PTPRM: variants seen among roughly 807,000 people sequenced by gnomAD.
PTPRM encodes the protein protein tyrosine phosphatase receptor type M.
PTPRM carries 47 observed loss-of-function variants against 186.7 expected under a neutral mutation model. That is an observed-to-expected ratio of 0.25 (90% CI 0.20 to 0.32). The LOEUF (loss-of-function observed/expected upper bound fraction) is 0.32, where lower values mean the gene tolerates loss of function less well. Ranked by LOEUF, PTPRM falls within the 10% of genes least tolerant of loss-of-function variation. PTPRM has a pLI of 1.00. For synonymous variants in PTPRM, 668 were observed against 674.9 expected (o/e 0.99, Z 0.16); for missense variants, 1,494 against 1,865.0 (o/e 0.80, Z 3.66).
intron 2 of PTPRM, among the ~76,000 whole-genome samples, chr18:7,862,336 T>C (rs2047431487): frequency 6.6e-6 from 1 of 152,240 alleles, no homozygotes; most frequent in Non-Finnish European, 1.5e-5. Flanking sequence ...TCTCATTTTT[T>C]AGTGATGACA....
At chr18:7,961,278 C>G (rs1423541844) in intron 7 of PTPRM, among the ~76,000 whole-genome samples, 4 of 152,160 alleles carry the variant, frequency 2.6e-5, no homozygotes, top group African/African-American at 9.7e-5. Context: ...CACTAACTCT[C>G]CACTCCCCTT....
intron 1 of PTPRM, among the ~76,000 whole-genome samples, chr18:7,704,617 A>G (rs116429940): frequency 0.011 from 1,638 of 152,208 alleles, 25 homozygotes; most frequent in African/African-American, 0.037. Context: ...AAGACATCGA[A>G]ATTTGAAGTG....
At chr18:8,373,574 G>T (rs1238104880) in intron 24 of PTPRM, among the ~76,000 whole-genome samples, 1 of 152,180 alleles carries the variant, frequency 6.6e-6, no homozygotes, top group East Asian at 1.9e-4. Context: ...CTACCCAGGA[G>T]CTGCCTAGGA....
At chr18:7,599,086 A>G (rs916858565) in intron 1 of PTPRM, among the ~76,000 whole-genome samples, 1 of 152,196 alleles carries the variant, frequency 6.6e-6, no homozygotes, top group Non-Finnish European at 1.5e-5. Flanking sequence ...GGCCTCAACC[A>G]GATTAGAGGA....
chr18:8,289,621 C>T (rs202210855), intron 19 of PTPRM, among the ~76,000 whole-genome samples: 3 of 126,596 alleles, frequency 2.4e-5, no homozygotes, highest in South Asian at 5.0e-4. Context: ...TATATATACA[C>T]ATATATATAT....
At chr18:7,880,172 C>T (rs1334759934) in intron 2 of PTPRM, among the ~76,000 whole-genome samples, 1 of 152,140 alleles carries the variant, frequency 6.6e-6, no homozygotes, top group Non-Finnish European at 1.5e-5. Flanking sequence ...ATTATAGGAA[C>T]TACAATTCAA....
chr18:7,601,195 C>T (rs572190958), intron 1 of PTPRM, among the ~76,000 whole-genome samples: 1 of 152,260 alleles, frequency 6.6e-6, no homozygotes, highest in East Asian at 1.9e-4. Flanking sequence ...TTTTTCTAGC[C>T]CGCGGTTTCT....
chr18:8,375,910 T>C, intron 24 of PTPRM, 136 bp from the exon 25 acceptor site: 3 of 915,252 alleles, frequency 3.3e-6, no homozygotes, highest in Non-Finnish European at 5.0e-6. Flanking sequence ...GGATGGCCTC[T>C]TTCCCCAGCA....
intron 2 of PTPRM, among the ~76,000 whole-genome samples, chr18:7,795,121 C>T (rs992297237): frequency 1.3e-5 from 2 of 152,180 alleles, no homozygotes; most frequent in Admixed American, 6.5e-5. Flanking sequence ...TTCACTCAGG[C>T]GTTTGGCTGC....
chr18:8,243,393 A>G lies in PTPRM; in HGVS notation c.2301-665A>G, dbSNP rs535323185. 5.3e-5 allele frequency among the ~76,000 whole-genome samples: 8 copies of G among 152,282 alleles called. No homozygotes were observed. In the South Asian group the frequency reaches 1.7e-3, roughly 32 times the overall value. ...GCTCTGTAGGGGTTGACAAAACTTGATGGGAACTAATCTGGGTTCATTTGG... is the reference window on the plus strand; with the variant it reads ...GCTCTGTAGGGGTTGACAAAACTTGGTGGGAACTAATCTGGGTTCATTTGG... On this transcript the variant is annotated intron_variant, in intron 14 of 32. Transcript: ENST00000580170.
chr18:7,960,480 T>TATATGTATATATATACAC (rs1300573371), intron 7 of PTPRM, among the ~76,000 whole-genome samples: 2 of 86,602 alleles, frequency 2.3e-5, no homozygotes, highest in African/African-American at 8.7e-5. Flanking sequence ...TATATATATA[T>TATATGTATATATATACAC]ACACACACAC....
intron 1 of PTPRM, among the ~76,000 whole-genome samples, chr18:7,752,828 G>T (rs1184953671): frequency 6.6e-6 from 1 of 151,856 alleles, no homozygotes; most frequent in African/African-American, 2.4e-5. Context: ...GATGTTTTTT[G>T]GCCTTTTAGT....
At chr18:7,656,313 A>G (rs1175100537) in intron 1 of PTPRM, among the ~76,000 whole-genome samples, 1 of 152,250 alleles carries the variant, frequency 6.6e-6, no homozygotes, top group Non-Finnish European at 1.5e-5. Flanking sequence ...AAATAAGCTG[A>G]TCACAGAAAG....
At chr18:8,012,384 T>C (rs564387457) in intron 7 of PTPRM, among the ~76,000 whole-genome samples, 1 of 152,356 alleles carries the variant, frequency 6.6e-6, no homozygotes, top group East Asian at 1.9e-4. Flanking sequence ...ACTTGGCATC[T>C]GCCAGGACCT....
At chr18:7,760,802 T>C (rs2041734989) in intron 1 of PTPRM, among the ~76,000 whole-genome samples, 2 of 152,190 alleles carry the variant, frequency 1.3e-5, no homozygotes. Flanking sequence ...TGAGGAAAGC[T>C]TGTAAGTTGA....
At chr18:8,320,751 G>C (rs1435364949) in intron 22 of PTPRM, among the ~76,000 whole-genome samples, 1 of 152,104 alleles carries the variant, frequency 6.6e-6, no homozygotes, top group Non-Finnish European at 1.5e-5. Context: ...TCACCACTAG[G>C]TTACTCTGCA....
intron 7 of PTPRM, among the ~76,000 whole-genome samples, chr18:8,057,425 C>CT (rs763829289): frequency 0.024 from 2,468 of 102,314 alleles, 34 homozygotes; most frequent in African/African-American, 0.05. Context: ...TGTGATACTT[C>CT]TTTTTTTTTT....
At chr18:7,872,004 T>C (rs1048562994) in intron 2 of PTPRM, among the ~76,000 whole-genome samples, 19 of 152,228 alleles carry the variant, frequency 1.2e-4, no homozygotes, top group South Asian at 4.1e-4. Flanking sequence ...TAAAAGGATT[T>C]AAAATGCCTC....
chr18:8,155,201 G>T (rs1341469092), intron 14 of PTPRM: 2 of 151,982 alleles, frequency 1.3e-5, no homozygotes, highest in Non-Finnish European at 2.9e-5. Flanking sequence ...TTTTTCATAA[G>T]GAATAATGTA....
Sources: allele counts gnomAD v4.1 joint callset (sites outside exome capture counted in the v4.1 genomes callset), GRCh38; gene constraint gnomAD v4.1.1; transcripts MANE v1.5; gene names NCBI Gene and HGNC (gene_info 2026-07-23, HGNC 2026-07-21).